ADGRF5: variants seen among roughly 807,000 people sequenced by gnomAD.
ADGRF5 encodes the protein G-protein coupled receptor 116.
In ADGRF5, 75 loss-of-function variants were observed where a neutral mutation model predicts 132.3. That is an observed-to-expected ratio of 0.57 (90% CI 0.47 to 0.69). ADGRF5 has a LOEUF of 0.69. ADGRF5 is among the 30% of genes least tolerant of loss of function. The pLI, the probability that ADGRF5 is intolerant of heterozygous loss-of-function variation, is 0.00. For missense variants in ADGRF5, 1,516 were observed against 1,630.6 expected (o/e 0.93, Z 1.21); for synonymous variants, 629 against 597.6 (o/e 1.05, Z -0.77).
chr6:46,863,308 A>C (rs1770011295), intron 14 of ADGRF5: 3 of 662,450 alleles, frequency 4.5e-6, no homozygotes, highest in Non-Finnish European at 8.3e-6. Flanking sequence ...TGTAATCGGA[A>C]CTTCCTTTTC....
In ADGRF5 at chr6:46,858,994, C is replaced by G; in HGVS notation, c.2909G>C (p.Ser970Thr). ...RLANNTGGWDSSGCYVEEGDG... is the reference protein window; with the variant it reads ...RLANNTGGWDTSGCYVEEGDG... Reference sequence around the variant, plus strand: ...ACCTTCTTCTACATAGCACCCACTGCTGTCCCACCCCCCTGTGTTGTTGGC... The same window carrying G: ...ACCTTCTTCTACATAGCACCCACTGGTGTCCCACCCCCCTGTGTTGTTGGC... Residue 970 changes from serine to threonine, a missense_variant, in exon 17 of 21, where the codon AGC becomes ACC. Transcript: ENST00000283296. 6.2e-7 allele frequency: 1 copy of G among 1,614,190 alleles called. No individual in the cohort carries two copies. Among genetic ancestry groups the G allele is most frequent in the Non-Finnish European group, 8.5e-7 (1 of 1,180,028 alleles).
intron 15 of ADGRF5, 116 bp downstream of exon 15, chr6:46,862,772 A>G (rs1440635154): frequency 6.2e-6 from 3 of 481,144 alleles, no homozygotes; most frequent in African/African-American, 4.3e-5. Context: ...CACAAATAAA[A>G]GTAGTTTTGG....
chr6:46,906,083 T>C (rs1284418108), intron 2 of ADGRF5, among the ~76,000 whole-genome samples: 1 of 152,138 alleles, frequency 6.6e-6, no homozygotes, highest in Non-Finnish European at 1.5e-5. Context: ...GGGGTACTTA[T>C]CCCTCCCTTT....
intron 12 of ADGRF5, among the ~76,000 whole-genome samples, chr6:46,868,401 G>T (rs1742076793): frequency 6.6e-6 from 1 of 152,188 alleles, no homozygotes; most frequent in Non-Finnish European, 1.5e-5. Context: ...AGCTATTATT[G>T]TAGCAGTTCT....
At chr6:46,919,541 A>G (rs1776718644) in intron 1 of ADGRF5, among the ~76,000 whole-genome samples, 1 of 152,214 alleles carries the variant, frequency 6.6e-6, no homozygotes, top group Non-Finnish European at 1.5e-5. Context: ...ACTGCTCCAA[A>G]ATGCCCCCAA....
intron 1 of ADGRF5, among the ~76,000 whole-genome samples, chr6:46,912,122 C>A (rs906806142): frequency 6.6e-6 from 1 of 151,986 alleles, no homozygotes; most frequent in African/African-American, 2.4e-5. Flanking sequence ...AAATAACTTG[C>A]CTGAGATAAC....
chr6:46,881,980 G>T (rs993581945), intron 7 of ADGRF5, 69 bp downstream of exon 7: 13 of 1,151,392 alleles, frequency 1.1e-5, no homozygotes, highest in Non-Finnish European at 1.6e-5. Context: ...TCTCTAGGGG[G>T]TTTACCTCCT....
intron 1 of ADGRF5, among the ~76,000 whole-genome samples, chr6:46,941,451 GAAA>G (rs750154733): frequency 7.0e-5 from 3 of 42,700 alleles, no homozygotes; most frequent in African/African-American, 2.1e-4. Flanking sequence ...GAAAAGAAAA[GAAA>G]AGAAAAGAAA....
rs201216000 is a variant in ADGRF5 at position 46,856,033 on chromosome 6, G to A, written c.3902C>T (p.Pro1301Leu). Residue 1301 changes from proline to leucine, a missense_variant, in exon 20 of 21, where the codon CCT becomes CTT. Transcript: ENST00000283296. ...TATTGGAGAACTCATAGAAAACACA[G>A]GTGTGGATGAACCCAGGGATGTTGA... ...SKSTSLGSST[P>L]VFSMSSPISR... The A allele has an allele frequency of 1.2e-5, 20 of 1,600,054 alleles. No individual in the cohort carries two copies. In the Admixed American group the frequency reaches 1.3e-4, roughly 11 times the overall value.
At chr6:46,927,740 ACCC>A (rs963136976) in intron 1 of ADGRF5, among the ~76,000 whole-genome samples, 4 of 151,718 alleles carry the variant, frequency 2.6e-5, no homozygotes, top group Non-Finnish European at 5.9e-5. Context: ...TCCATCCACA[ACCC>A]CCAAGTCCCA....
upstream of ADGRF5, among the ~76,000 whole-genome samples, chr6:46,925,794 G>A (rs1443804526): frequency 6.6e-6 from 1 of 152,202 alleles, no homozygotes; most frequent in African/African-American, 2.4e-5. Context: ...ATATTTGAAA[G>A]TGTAACACAC....
intron 1 of ADGRF5, among the ~76,000 whole-genome samples, chr6:46,907,618 G>A (rs976223224): frequency 8.6e-5 from 13 of 152,034 alleles, no homozygotes; most frequent in Non-Finnish European, 7.4e-5. Context: ...GGTGTCACAC[G>A]GAATAACCTC....
chr6:46,894,682 A>G (rs1442443807), intron 3 of ADGRF5, among the ~76,000 whole-genome samples: 1 of 152,228 alleles, frequency 6.6e-6, no homozygotes, highest in Admixed American at 6.5e-5. Flanking sequence ...TGGGCAGGTC[A>G]TTTAACTCTG....
chr6:46,915,671 T>C (rs781708581), intron 1 of ADGRF5, among the ~76,000 whole-genome samples: 1 of 152,086 alleles, frequency 6.6e-6, no homozygotes, highest in Non-Finnish European at 1.5e-5. Context: ...AGGGATTTTG[T>C]TAGATTTTAA....
chr6:46,953,665 A>ATCTATATATC (rs1554131433), intron 1 of ADGRF5, among the ~76,000 whole-genome samples: 2 of 131,424 alleles, frequency 1.5e-5, no homozygotes, highest in African/African-American at 6.1e-5. Flanking sequence ...ATATATATAT[A>ATCTATATATC]TATATATATA....
At chr6:46,901,941 T>C (rs1198781718) in intron 2 of ADGRF5, among the ~76,000 whole-genome samples, 2 of 152,102 alleles carry the variant, frequency 1.3e-5, no homozygotes, top group African/African-American at 2.4e-5. Context: ...CTGATGCCCT[T>C]AGGAGGTACT....
intron 1 of ADGRF5, among the ~76,000 whole-genome samples, chr6:46,931,986 T>C (rs1328531058): frequency 1.3e-5 from 2 of 152,228 alleles, no homozygotes; most frequent in Admixed American, 1.3e-4. Flanking sequence ...AACCTCTTTG[T>C]ACATTTGGTG....
At chr6:46,928,213 A>T (rs1293913282) in intron 1 of ADGRF5, among the ~76,000 whole-genome samples, 1 of 152,190 alleles carries the variant, frequency 6.6e-6, no homozygotes, top group South Asian at 2.1e-4. Flanking sequence ...AGCCCACCTC[A>T]GGGTGCCTGG....
At chr6:46,950,389 T>G (rs949830682) in intron 1 of ADGRF5, among the ~76,000 whole-genome samples, 1 of 152,236 alleles carries the variant, frequency 6.6e-6, no homozygotes, top group Non-Finnish European at 1.5e-5. Context: ...CCTCATGTGC[T>G]CAAGATGTAC....
Sources: allele counts gnomAD v4.1 joint callset (sites outside exome capture counted in the v4.1 genomes callset), GRCh38; gene constraint gnomAD v4.1.1; transcripts MANE v1.5; gene names NCBI Gene and HGNC (gene_info 2026-07-23, HGNC 2026-07-21).